The following LRRIQ1 variants were observed in gnomAD, a reference collection of about 807,000 sequenced individuals.
The protein encoded by LRRIQ1 is leucine rich repeats and IQ motif containing 1, also known as leucine-rich repeat- and IQ domain-containing protein 1.
A neutral mutation model predicts 211.9 loss-of-function variants in LRRIQ1; 210 were observed. The observed-to-expected ratio is 0.99, with a 90% CI of 0.89 to 1.11. The LOEUF (loss-of-function observed/expected upper bound fraction) is 1.11. LRRIQ1 is among the 50% of genes most tolerant of loss of function. The probability of loss-of-function intolerance (pLI) is 0.00; values close to 1 mark genes in which losing one functional copy is unlikely to be tolerated. For missense variants in LRRIQ1, 2,136 were observed against 1,939.5 expected (o/e 1.10, Z -1.90); for synonymous variants, 699 against 650.1 (o/e 1.08, Z -1.14).
At chr12:85,119,033 G>A (rs187600955) in intron 15 of LRRIQ1, among the ~76,000 whole-genome samples, 138 of 152,022 alleles carry the variant, frequency 9.1e-4, no homozygotes, top group African/African-American at 2.9e-3. Flanking sequence ...CTCAATGCCC[G>A]TAGTTTACAT....
intron 19 of LRRIQ1, among the ~76,000 whole-genome samples, chr12:85,149,437 G>A (rs755570423): frequency 6.6e-6 from 1 of 151,730 alleles, no homozygotes; most frequent in African/African-American, 2.4e-5. Context: ...TTTTTGTCAG[G>A]TTTGCTGAAA....
chr12:85,263,029 G>A (rs964805947), exon 2 of LRRIQ1: 3 of 987,990 alleles, frequency 3.0e-6, no homozygotes, highest in Non-Finnish European at 3.6e-6. Context: ...GGATGGGGAA[G>A]TGGCAAAAAG....
chr12:85,183,079 C>T (rs912503189), intron 24 of LRRIQ1, among the ~76,000 whole-genome samples: 1 of 152,174 alleles, frequency 6.6e-6, no homozygotes, highest in Non-Finnish European at 1.5e-5. Flanking sequence ...AAAATAAAAT[C>T]TGTGCCTAAT....
intron 13 of LRRIQ1, among the ~76,000 whole-genome samples, chr12:85,100,974 T>C (rs1886304572): frequency 6.6e-6 from 1 of 151,812 alleles, no homozygotes; most frequent in African/African-American, 2.4e-5. Flanking sequence ...TGTTTAAATA[T>C]TGAACCTACA....
chr12:85,144,444 G>A (rs1889753345), intron 19 of LRRIQ1, among the ~76,000 whole-genome samples: 1 of 151,512 alleles, frequency 6.6e-6, no homozygotes, highest in Admixed American at 6.6e-5. Context: ...AGAGCATAGT[G>A]TTTAATTGGT....
Position 85,040,595 on chromosome 12 carries a change from A to T in LRRIQ1, c.238A>T (p.Ile80Phe). 1 of 1,553,704 alleles carries T rather than the reference A, an allele frequency of 6.4e-7. No homozygotes were observed. Among genetic ancestry groups the T allele is most frequent in the Non-Finnish European group, 8.8e-7 (1 of 1,131,148 alleles). The change falls in exon 3 of 27, where the codon ATT (isoleucine) becomes TTT (phenylalanine). Residue 80 changes from isoleucine to phenylalanine, a missense_variant. Coordinates refer to ENST00000393217, the MANE Select transcript of LRRIQ1 (RefSeq NM_001079910.2). ...TCTTCAGGACCTGGAAGATACTGATATTTTAAGTAAGTACTATTTTCATCT... is the reference window on the plus strand; with the variant it reads ...TCTTCAGGACCTGGAAGATACTGATTTTTTAAGTAAGTACTATTTTCATCT... ...LILQDLEDTD[I>F]LSCSYGAVSN...
At chr12:85,258,827 A>G (rs1052607042) in intron 1 of LRRIQ1, among the ~76,000 whole-genome samples, 2 of 152,044 alleles carry the variant, frequency 1.3e-5, no homozygotes, top group Admixed American at 6.6e-5. Context: ...TGTTGGGTAT[A>G]TCAATGAAAA....
At chr12:85,114,267 A>G (rs1453620176) in intron 15 of LRRIQ1, among the ~76,000 whole-genome samples, 3 of 152,094 alleles carry the variant, frequency 2.0e-5, no homozygotes, top group Non-Finnish European at 4.4e-5. Context: ...CCTAGTAACT[A>G]TACGGGCCAA....
chr12:85,173,881 A>G (rs1183192464), intron 24 of LRRIQ1, among the ~76,000 whole-genome samples: 1 of 152,132 alleles, frequency 6.6e-6, no homozygotes, highest in South Asian at 2.1e-4. Context: ...TCCAGGCAAG[A>G]GATTAGAAGA....
intron 24 of LRRIQ1, among the ~76,000 whole-genome samples, chr12:85,219,150 A>G (rs1251619263): frequency 6.6e-6 from 1 of 152,068 alleles, no homozygotes; most frequent in East Asian, 1.9e-4. Flanking sequence ...TTCCTGAGTT[A>G]TGTGATTCTC....
At chr12:85,176,509 A>G (rs1409432525) in intron 24 of LRRIQ1, among the ~76,000 whole-genome samples, 7 of 147,836 alleles carry the variant, frequency 4.7e-5, no homozygotes, top group Admixed American at 1.4e-4. Context: ...ACCAAACACC[A>G]CATATTCTCA....
intron 24 of LRRIQ1, among the ~76,000 whole-genome samples, chr12:85,217,780 CTA>C (rs141432283): frequency 0.044 from 5,617 of 128,048 alleles, 325 homozygotes; most frequent in East Asian, 0.2. Flanking sequence ...GTGTCTCTCT[CTA>C]TATATATATG....
intron 7 of LRRIQ1, among the ~76,000 whole-genome samples, chr12:85,055,029 A>T (rs1481445633): frequency 3.9e-5 from 6 of 152,098 alleles, no homozygotes; most frequent in African/African-American, 1.4e-4. Flanking sequence ...AAGGGATAAG[A>T]TATGTGAGTA....
chr12:85,241,032 GA>G (rs1017449984), intron 26 of LRRIQ1, among the ~76,000 whole-genome samples: 30 of 152,124 alleles, frequency 2.0e-4, no homozygotes, highest in Admixed American at 1.8e-3. Flanking sequence ...CTGCAAACAA[GA>G]AAAAATTAGG....
At chr12:85,059,022 G>T (rs1057514394) in intron 8 of LRRIQ1, among the ~76,000 whole-genome samples, 4 of 151,906 alleles carry the variant, frequency 2.6e-5, no homozygotes, top group Non-Finnish European at 5.9e-5. Context: ...ATCATCTTTT[G>T]TTACCAGACA....
chr12:85,129,665 T>C (rs1380839878), intron 18 of LRRIQ1, among the ~76,000 whole-genome samples: 1 of 152,190 alleles, frequency 6.6e-6, no homozygotes, highest in African/African-American at 2.4e-5. Context: ...GGCCATGATT[T>C]AGTAGCCTAC....
At position 85,106,607 on chromosome 12, in the gene LRRIQ1, A is replaced by G. The variant is rs762384533; in HGVS notation, c.3369A>G (p.Thr1123=). ...CTGGAAACCCACTTCTTCAAGAAAC[A>G]AACTGGAGGTAAAGAGGCATTGTTG... The part of the protein sequence containing the change: ...SLTGNPLLQE[T]NWRDSLLKVL... Residue 1123 remains threonine, a synonymous_variant, in exon 15 of 27, where the codon ACA becomes ACG. Transcript: ENST00000393217. 7.5e-6 allele frequency: 12 copies of G among 1,608,646 alleles called. No homozygotes were observed. The highest frequency in any genetic ancestry group is 3.3e-5 in the Admixed American group (2 of 59,766).
chr12:85,163,434 A>G (rs879923391), intron 24 of LRRIQ1, among the ~76,000 whole-genome samples: 3 of 152,186 alleles, frequency 2.0e-5, no homozygotes, highest in Non-Finnish European at 4.4e-5. Flanking sequence ...TCTCAGCACA[A>G]TGGTATGCCA....
chr12:85,162,912 AAC>A, intron 24 of LRRIQ1: 2 of 383,972 alleles, frequency 5.2e-6, no homozygotes, highest in Non-Finnish European at 1.0e-5. Flanking sequence ...GCTTGGCAAA[AAC>A]AGTTTTATAT....
Sources: gnomAD v4.1 joint callset for allele counts (sites outside exome capture counted in the v4.1 genomes callset) on GRCh38, gnomAD v4.1.1 for gene constraint, MANE v1.5 for transcripts, NCBI Gene and HGNC (gene_info 2026-07-23, HGNC 2026-07-21) for gene names.